The following CYFIP1 variants were observed in gnomAD, a reference collection of about 807,000 sequenced individuals.
The protein encoded by CYFIP1 is cytoplasmic FMR1 interacting protein 1.
A neutral mutation model predicts 163.5 loss-of-function variants in CYFIP1; 58 were observed. The observed-to-expected ratio is 0.35, with a 90% confidence interval of 0.29 to 0.44. The LOEUF (loss-of-function observed/expected upper bound fraction) is 0.44, where lower values mean the gene tolerates loss of function less well. Ranked by LOEUF, CYFIP1 falls within the 20% of genes least tolerant of loss-of-function variation. The probability of loss-of-function intolerance (pLI) is 1.00; values close to 1 mark genes in which losing one functional copy is unlikely to be tolerated. For missense variants in CYFIP1, 1,338 were observed against 1,653.8 expected, an observed-to-expected ratio of 0.81 and a Z score of 3.31; for synonymous variants, 663 against 660.7, an observed-to-expected ratio of 1.00 and a Z score of -0.05.
chr15:22,942,501 C>G (rs1396121175), intron 6 of CYFIP1, among the ~76,000 whole-genome samples: 2 of 152,106 alleles, frequency 1.3e-5, no homozygotes, highest in Admixed American at 1.3e-4. Flanking sequence ...GGCAGCGCGC[C>G]GAGTGTCACC....
chr15:22,978,903 T>G (rs1283109232), intron 1 of CYFIP1, among the ~76,000 whole-genome samples: 1 of 152,160 alleles, frequency 6.6e-6, no homozygotes, highest in Non-Finnish European at 1.5e-5. Context: ...GCTGCCTTCC[T>G]GAGTATCCTG....
At chr15:22,914,228 C>T (rs1228431463) in intron 17 of CYFIP1, among the ~76,000 whole-genome samples, 1 of 152,114 alleles carries the variant, frequency 6.6e-6, no homozygotes, top group Non-Finnish European at 1.5e-5. Context: ...AGGGCCTGCA[C>T]TACGAAGGCC....
At chr15:22,970,802 C>T (rs1262800242) in intron 1 of CYFIP1, among the ~76,000 whole-genome samples, 1 of 152,132 alleles carries the variant, frequency 6.6e-6, no homozygotes, top group East Asian at 1.9e-4. Context: ...TTTGGCCTGG[C>T]GTGGTGGCTC....
chr15:22,964,164 T>C (rs1168408819), intron 1 of CYFIP1, among the ~76,000 whole-genome samples: 1 of 150,968 alleles, frequency 6.6e-6, no homozygotes, highest in Non-Finnish European at 1.5e-5. Context: ...ATACTTTTTT[T>C]TTTTTTTTCC....
intron 21 of CYFIP1, among the ~76,000 whole-genome samples, chr15:22,908,691 C>G (rs955692693): frequency 6.6e-6 from 1 of 151,352 alleles, no homozygotes; most frequent in Admixed American, 6.6e-5. Flanking sequence ...ACCACGCCCG[C>G]CTAATTTTTG....
At position 22,928,010 on chromosome 15, in the gene CYFIP1, G is replaced by C; in HGVS notation, c.1129C>G (p.Arg377Gly). 1 of 1,574,140 alleles carries C rather than the reference G, an allele frequency of 6.4e-7. No individual in the cohort carries two copies. The highest frequency in any genetic ancestry group is 8.6e-7 in the Non-Finnish European group (1 of 1,164,092). Residue 377 changes from arginine (R) to glycine (G), a missense_variant, in exon 12 of 31, where the codon CGC becomes GGC. By Grantham distance (125) the Arg-to-Gly change is moderately radical. Coordinates refer to ENST00000617928, the MANE Select transcript of CYFIP1 (RefSeq NM_014608.6). ...SNSEVVTGSG[R>G]QEAQKTDAEY... ...GCGTCCGTCTTCTGGGCCTCCTGGC[G>C]GCCCGAGCCCGTGACCACCTGCACA...
At chr15:22,870,321 CTTTTTGGGTTTT>C (rs2059396292) in intron 30 of CYFIP1, 129 bp from the exon 31 acceptor site, 1 of 1,124,996 alleles carries the variant, frequency 8.9e-7, no homozygotes, top group Non-Finnish European at 1.2e-6. Flanking sequence ...ACATACTGTT[CTTTTTGGGTTTT>C]TTTTTGTAAG....
intron 1 of CYFIP1, among the ~76,000 whole-genome samples, chr15:22,949,011 A>T (rs2062155335): frequency 6.6e-6 from 1 of 152,102 alleles, no homozygotes; most frequent in Non-Finnish European, 1.5e-5. Context: ...AGCTGAAAAA[A>T]ATGACAGAAA....
intron 3 of CYFIP1, among the ~76,000 whole-genome samples, chr15:22,945,889 AT>A (rs1450140723): frequency 6.6e-6 from 1 of 152,100 alleles, no homozygotes; most frequent in Non-Finnish European, 1.5e-5. Context: ...AGCCTACAGC[AT>A]TTTTTTATTA....
chr15:22,872,958 T>C lies in CYFIP1; in HGVS notation c.3464A>G (p.Asp1155Gly). The stretch of plus-strand genomic sequence containing the variant: ...CATACAGCCAGCCCAGTGTAGCCCA[T>C]CACCAAAGCACTGCCTAGGAACAAG... ...HEFTVEQCFG[D>G]GLHWAGCMII... The change falls in exon 30 of 31, where the codon GAT becomes GGT. Residue 1155 changes from aspartate to glycine, a missense_variant. This residue lies in a region of CYFIP1 where 306 missense variants were observed against 322.1 expected (regional missense o/e 0.95). Coordinates refer to ENST00000617928, the MANE Select transcript of CYFIP1 (RefSeq NM_014608.6). 1 of 1,613,906 alleles carries C rather than the reference T, an allele frequency of 6.2e-7. No homozygotes were observed. The highest frequency in any genetic ancestry group is 8.5e-7 in the Non-Finnish European group (1 of 1,179,924).
At chr15:22,915,888 G>A (rs185757871) in intron 16 of CYFIP1, among the ~76,000 whole-genome samples, 14 of 152,164 alleles carry the variant, frequency 9.2e-5, no homozygotes, top group African/African-American at 2.7e-4. Context: ...GCCCACACTC[G>A]AACTCCATCC....
At position 22,917,759 on chromosome 15, in the gene CYFIP1, G is replaced by A. The variant is rs973450306; in HGVS notation, c.1674+29C>T. The A allele has an allele frequency of 2.1e-5, 30 of 1,450,880 alleles. No individual in the cohort carries two copies. The highest frequency in any genetic ancestry group is 2.7e-5 in the Non-Finnish European group (30 of 1,099,878). 89.9% of individuals were successfully genotyped at this position (1,450,880 alleles called of 1,614,324 possible). A position where few individuals can be genotyped will look rare whatever the true frequency, so the allele number is the denominator to read the frequency against. On this transcript the variant is annotated intron_variant, in intron 15 of 30. Transcript: ENST00000617928. This position sits in a 1 kb window ranked among gnomAD's most constrained non-coding sequence, Gnocchi z 4.2. ...TCAGGGTGGGTCCCCCCAGGGAGAG[G>A]GTGCAGGCGGGGCTCAAGGGACGAG...
chr15:22,883,219 G>T (rs2059818208), intron 23 of CYFIP1, among the ~76,000 whole-genome samples: 1 of 152,154 alleles, frequency 6.6e-6, no homozygotes, highest in Non-Finnish European at 1.5e-5. Flanking sequence ...GAAAAGAAAA[G>T]AAAACCATTT....
chr15:22,917,021 C>A lies in CYFIP1; in HGVS notation c.1675-391G>T, dbSNP rs1029981170. 6.5e-7 allele frequency: 1 copy of A among 1,545,576 alleles called. No homozygotes were observed. On this transcript the variant is annotated intron_variant, in intron 15 of 30. Coordinates refer to ENST00000617928, the MANE Select transcript of CYFIP1 (RefSeq NM_014608.6). This position sits in a 1 kb window ranked among gnomAD's most constrained non-coding sequence, Gnocchi z 4.2. The stretch of plus-strand genomic sequence containing the variant: ...CCAAGGACTCGGCCATGGTGCGCAC[C>A]AGGTAGAGCTAGACACGGACAGACA...
At chr15:22,881,029 G>C (rs555964944) in intron 25 of CYFIP1, among the ~76,000 whole-genome samples, 1 of 152,116 alleles carries the variant, frequency 6.6e-6, no homozygotes, top group Non-Finnish European at 1.5e-5. Context: ...AGATTCTCTT[G>C]AGCCAGGGCC....
rs537572313 is a variant in CYFIP1, at chr15:22,969,682, G to A, written c.-7+10605C>T. On this transcript the variant is annotated intron_variant, in intron 1 of 30. Coordinates refer to ENST00000617928, the MANE Select transcript of CYFIP1 (RefSeq NM_014608.6). ...ATACATATTTGCATTAAATGTAAAT[G>A]AACAAGATACTCAAATCAAAAGGCA... 2.6e-4 allele frequency among the ~76,000 whole-genome samples: 39 copies of A among 152,242 alleles called. No individual in the cohort carries two copies. The South Asian group carries it at 6.6e-3, about 26-fold the overall frequency.
intron 14 of CYFIP1, 131 bp from the exon 15 acceptor site, chr15:22,918,066 C>G: frequency 9.5e-7 from 1 of 1,057,698 alleles, no homozygotes; most frequent in South Asian, 1.6e-5. Context: ...CTCTGGGGGC[C>G]ATGGAGGGAT....
intron 1 of CYFIP1, among the ~76,000 whole-genome samples, chr15:22,958,296 G>A (rs1169480691): frequency 6.6e-6 from 1 of 152,036 alleles, no homozygotes; most frequent in African/African-American, 2.4e-5. Flanking sequence ...ATGTTGGTCA[G>A]GCTGGTTTTG....
chr15:22,959,762 C>G (rs2062612002), intron 1 of CYFIP1, among the ~76,000 whole-genome samples: 1 of 152,166 alleles, frequency 6.6e-6, no homozygotes, highest in Non-Finnish European at 1.5e-5. Context: ...GGAACAGGCG[C>G]CACGGGCGAT....
Sources: allele counts gnomAD v4.1 joint callset (sites outside exome capture counted in the v4.1 genomes callset), GRCh38; gene constraint gnomAD v4.1.1; regional missense constraint gnomAD v4.1.1; non-coding constraint Gnocchi (gnomAD v3.1); transcripts MANE v1.5; gene names NCBI Gene and HGNC (gene_info 2026-07-23, HGNC 2026-07-21).